Variants in STIM1 observed in about 807,000 individuals in gnomAD.
STIM1 encodes stromal interaction molecule 1.
In STIM1, 25 loss-of-function variants were observed where a neutral mutation model predicts 74.7. The ratio of observed to expected loss-of-function variants is 0.33; its 90% CI spans 0.24 to 0.47. The LOEUF is 0.47. Among genes scored for constraint, STIM1 ranks in the 20% least tolerant of loss-of-function variants. The pLI, the probability that STIM1 is intolerant of heterozygous loss-of-function variation, is 1.00. For synonymous variants in STIM1, 328 were observed against 348.8 expected (o/e 0.94, Z 0.66); for missense variants, 728 against 920.8 (o/e 0.79, Z 2.71).
intron 1 of STIM1, among the ~76,000 whole-genome samples, chr11:3,888,533 A>G (rs1034980644): frequency 3.3e-5 from 5 of 151,942 alleles, no homozygotes; most frequent in African/African-American, 4.8e-5. Context: ...ACATTGCCAT[A>G]TAGTCTTTTT....
Position 4,092,030 on chromosome 11 carries a change from C to T in STIM1, c.*232C>T, listed in dbSNP as rs1565174513. 3.3e-6 allele frequency: 2 copies of T among 603,456 alleles called. No homozygotes were observed. Among genetic ancestry groups the T allele is most frequent in the Admixed American group, 5.5e-5 (2 of 36,484 alleles). The allele number at this position is 603,456 out of a possible 1,614,324, so 37.4% of individuals were successfully genotyped here. Reference sequence around the variant, plus strand: ...CCTCCGTCCCAACCATGGGCTGCTGCTGTCACTCCCTCTCCACTTCAGTGC... The same window carrying T: ...CCTCCGTCCCAACCATGGGCTGCTGTTGTCACTCCCTCTCCACTTCAGTGC... On this transcript the variant is annotated 3_prime_UTR_variant, in exon 13 of 13. Transcript: ENST00000526596.
At chr11:4,013,715 T>C (rs1237698662) in intron 2 of STIM1, among the ~76,000 whole-genome samples, 1 of 89,116 alleles carries the variant, frequency 1.1e-5, no homozygotes, top group Non-Finnish European at 2.4e-5. Flanking sequence ...TTTTTTTTTT[T>C]TTTTTTTGAG....
intron 3 of STIM1, among the ~76,000 whole-genome samples, chr11:4,049,893 G>T (rs1292546503): frequency 6.6e-6 from 1 of 151,884 alleles, no homozygotes; most frequent in Non-Finnish European, 1.5e-5. Flanking sequence ...CTTAAAATGG[G>T]GATAAAATGG....
chr11:3,969,646 G>T (rs1433655714), intron 2 of STIM1, among the ~76,000 whole-genome samples: 1 of 152,200 alleles, frequency 6.6e-6, no homozygotes, highest in African/African-American at 2.4e-5. Context: ...AAAGGGTTGG[G>T]CTTACTGAGT....
At chr11:4,085,073 A>AC (rs1401875537) in intron 11 of STIM1, among the ~76,000 whole-genome samples, 1 of 151,216 alleles carries the variant, frequency 6.6e-6, no homozygotes, top group Non-Finnish European at 1.5e-5. Context: ...AGGACAAATG[A>AC]CCCCTTTCTT....
intron 1 of STIM1, among the ~76,000 whole-genome samples, chr11:3,939,560 C>G (rs116881407): frequency 6.6e-6 from 1 of 152,168 alleles, no homozygotes; most frequent in Non-Finnish European, 1.5e-5. Context: ...TTAGTCTATC[C>G]TTTCTCATTT....
chr11:4,038,881 G>A (rs1271469487), intron 3 of STIM1, among the ~76,000 whole-genome samples: 1 of 152,092 alleles, frequency 6.6e-6, no homozygotes, highest in East Asian at 1.9e-4. Context: ...ACAAGTTAGG[G>A]CATCAAATTT....
intron 1 of STIM1, among the ~76,000 whole-genome samples, chr11:3,883,911 G>A (rs887420099): frequency 7.9e-5 from 12 of 152,172 alleles, no homozygotes; most frequent in Admixed American, 7.9e-4. Context: ...AGACCCTACT[G>A]TGTGCCAGAA....
intron 1 of STIM1, among the ~76,000 whole-genome samples, chr11:3,930,098 A>C (rs2092839686): frequency 6.6e-6 from 1 of 152,208 alleles, no homozygotes; most frequent in African/African-American, 2.4e-5. Context: ...GCATCAGGTC[A>C]AGTGGAAATG....
chr11:4,001,530 A>C (rs2135909251), intron 2 of STIM1, among the ~76,000 whole-genome samples: 1 of 152,356 alleles, frequency 6.6e-6, no homozygotes, highest in African/African-American at 2.4e-5. Context: ...ACAGACAAGC[A>C]AATGCTGAGA....
At chr11:3,874,177 G>A (rs1338633558) in intron 1 of STIM1, among the ~76,000 whole-genome samples, 3 of 152,086 alleles carry the variant, frequency 2.0e-5, no homozygotes, top group Admixed American at 2.0e-4. Context: ...ATTTAGGCTG[G>A]GACTTGGATG....
chr11:4,068,489 A>G (rs2094383049), intron 5 of STIM1, among the ~76,000 whole-genome samples: 1 of 152,172 alleles, frequency 6.6e-6, no homozygotes, highest in Non-Finnish European at 1.5e-5. Flanking sequence ...GTGGCTCTGG[A>G]GGAGGCAGGT....
intron 10 of STIM1, 150 bp downstream of exon 10, chr11:4,083,648 T>G: frequency 1.4e-6 from 1 of 738,352 alleles, no homozygotes; most frequent in Non-Finnish European, 2.3e-6. Context: ...CACAATTTAC[T>G]CAGGTTATTT....
intron 1 of STIM1, among the ~76,000 whole-genome samples, chr11:3,916,166 A>G (rs1330498755): frequency 6.6e-6 from 1 of 152,204 alleles, no homozygotes; most frequent in Non-Finnish European, 1.5e-5. Context: ...GTTTTACCTC[A>G]AAGAGTTTTA....
intron 1 of STIM1, among the ~76,000 whole-genome samples, chr11:3,959,266 T>G (rs1250834534): frequency 6.6e-6 from 1 of 152,294 alleles, no homozygotes; most frequent in East Asian, 1.9e-4. Flanking sequence ...CAATTTCCAA[T>G]TCGTCCTATA....
chr11:4,085,147 C>A (rs560776108), intron 11 of STIM1, among the ~76,000 whole-genome samples: 4 of 151,354 alleles, frequency 2.6e-5, no homozygotes, highest in Admixed American at 6.6e-5. Context: ...CCTTCCCCCC[C>A]CTATTCCAGA....
intron 12 of STIM1, among the ~76,000 whole-genome samples, chr11:4,089,337 G>T (rs1195140548): frequency 6.6e-6 from 1 of 152,190 alleles, no homozygotes; most frequent in Non-Finnish European, 1.5e-5. Context: ...GTGTTAGAGA[G>T]GGTAGGATCC....
At chr11:4,059,206 G>T in intron 4 of STIM1, 75 bp from the exon 5 acceptor site, 1 of 1,254,698 alleles carries the variant, frequency 8.0e-7, no homozygotes, top group East Asian at 2.3e-5. Flanking sequence ...GTTCCTGGGG[G>T]AGGCGGGTAA....
intron 1 of STIM1, chr11:3,921,946 C>T (rs139851468): frequency 6.6e-6 from 1 of 152,220 alleles, no homozygotes; most frequent in African/African-American, 2.4e-5. Flanking sequence ...ATCCTCCAGC[C>T]CCAGTCAAAC....
Sources: allele counts gnomAD v4.1 joint callset (sites outside exome capture counted in the v4.1 genomes callset), GRCh38; gene constraint gnomAD v4.1.1; transcripts MANE v1.5; gene names NCBI Gene and HGNC (gene_info 2026-07-23, HGNC 2026-07-21).